Variants in CLIC5 observed in about 807,000 individuals in gnomAD.
CLIC5 encodes chloride intracellular channel protein 5.
Under a neutral mutation model 24.7 loss-of-function variants are expected in CLIC5, and 20 were observed. The observed-to-expected ratio is 0.81, with a 90% CI of 0.57 to 1.18. CLIC5 has a LOEUF of 1.18. Ranked by LOEUF, CLIC5 falls within the 50% of genes most tolerant of loss-of-function variation. The pLI, the probability that CLIC5 is intolerant of heterozygous loss-of-function variation, is 0.00. For missense variants in CLIC5, 341 were observed against 326.1 expected (o/e 1.05, Z -0.35); for synonymous variants, 159 against 135.6 (o/e 1.17, Z -1.20).
In CLIC5 at chr6:45,981,389, G is replaced by T. The variant is rs923774244; in HGVS notation, c.64-26145C>A. 2.0e-5 allele frequency among the ~76,000 whole-genome samples: 3 copies of T among 151,974 alleles called. No individual in the cohort carries two copies. In the South Asian group the frequency reaches 6.2e-4, roughly 32 times the overall value. On this transcript the variant is annotated intron_variant, in intron 1 of 5. Coordinates refer to ENST00000339561, the MANE Select transcript of CLIC5 (RefSeq NM_016929.5). ...TTTTTACAAACTAAATAAGGAGCCA[G>T]AAGTAAGTGATATGTAAGTTCCAAG...
At chr6:46,011,021 G>A (rs1229241466) in intron 1 of CLIC5, among the ~76,000 whole-genome samples, 1 of 152,158 alleles carries the variant, frequency 6.6e-6, no homozygotes, top group Non-Finnish European at 1.5e-5. Flanking sequence ...ACCACACCAC[G>A]AGTCACCACA....
chr6:45,907,821 CTG>C (rs1360359473), intron 5 of CLIC5, among the ~76,000 whole-genome samples: 1 of 152,100 alleles, frequency 6.6e-6, no homozygotes, highest in Non-Finnish European at 1.5e-5. Context: ...TTGGTGAAGT[CTG>C]TAGGGTTTTC....
In CLIC5 at chr6:46,057,612, T is replaced by G. The variant is rs115034659; in HGVS notation, c.540+22091A>C. ...CTCCCCATTACCTACAAGGTAAATTTCAGACTCCTTAATTTGGCACACAAA... is the reference window on the plus strand; with the variant it reads ...CTCCCCATTACCTACAAGGTAAATTGCAGACTCCTTAATTTGGCACACAAA... On this transcript the variant is annotated intron_variant, in intron 1 of 5. Transcript: ENST00000185206. Among the ~76,000 whole-genome samples, 502 of 152,306 alleles carry G rather than the reference T, an allele frequency of 3.3e-3. 3 individuals are homozygous for G. The highest frequency in any genetic ancestry group is 0.011 in the African/African-American group (473 of 41,566).
At chr6:46,093,698 T>C in the CLIC5 span, among the ~76,000 whole-genome samples, 1 of 152,346 alleles carries the variant, frequency 6.6e-6, no homozygotes, top group Non-Finnish European at 1.5e-5. Context: ...ATATGACTAC[T>C]TGGGGAAAAG....
At chr6:45,913,516 C>T (rs1366166776) in intron 5 of CLIC5, among the ~76,000 whole-genome samples, 2 of 152,174 alleles carry the variant, frequency 1.3e-5, no homozygotes, top group African/African-American at 2.4e-5. Flanking sequence ...GAGGGCTCCT[C>T]GTTCTCAGAG....
At chr6:46,053,954 A>G (rs1439120337) in intron 1 of CLIC5, among the ~76,000 whole-genome samples, 2 of 152,150 alleles carry the variant, frequency 1.3e-5, no homozygotes, top group Non-Finnish European at 2.9e-5. Flanking sequence ...TCAGCAAGAA[A>G]CTGTCCAAAG....
chr6:46,023,436 C>A lies in CLIC5; in HGVS notation c.540+56267G>T, dbSNP rs74890803. Among the ~76,000 whole-genome samples, 196 of 152,134 alleles carry A rather than the reference C, an allele frequency of 1.3e-3. 6 individuals are homozygous for A. The East Asian group carries it at 0.037, about 28-fold the overall frequency. Reference sequence around the variant, plus strand: ...CTGGAACTCCCTCCATTGCTAAAGCCCAGGATGTGGTTGGAGGAGGTTGGG... The same window carrying A: ...CTGGAACTCCCTCCATTGCTAAAGCACAGGATGTGGTTGGAGGAGGTTGGG... On this transcript the variant is annotated intron_variant, in intron 1 of 5. Coordinates refer to the CLIC5 transcript ENST00000185206.
chr6:46,049,945 G>A (rs979544581), intron 1 of CLIC5, among the ~76,000 whole-genome samples: 1 of 152,196 alleles, frequency 6.6e-6, no homozygotes, highest in Non-Finnish European at 1.5e-5. Context: ...AGGAGAATTA[G>A]GGACTGTTTC....
the CLIC5 span, among the ~76,000 whole-genome samples, chr6:46,092,778 A>T: frequency 6.6e-6 from 1 of 152,168 alleles, no homozygotes; most frequent in African/African-American, 2.4e-5. Flanking sequence ...GATAAGGAAA[A>T]TCTACTCTGT....
upstream of CLIC5, among the ~76,000 whole-genome samples, chr6:46,017,334 A>G (rs1767047489): frequency 6.6e-6 from 1 of 152,212 alleles, no homozygotes; most frequent in Non-Finnish European, 1.5e-5. Flanking sequence ...AATAAGTAAT[A>G]ATACTTATTA....
In CLIC5 at chr6:46,057,799, A is replaced by G. The variant is rs1581907269; in HGVS notation, c.540+21904T>C. ...CTACACAATTAGTGGTGTTTAGAGC[A>G]GTTTGTCCCAGTTCATGACAGCCAG... On this transcript the variant is annotated intron_variant, in intron 1 of 5. Coordinates refer to the CLIC5 transcript ENST00000185206. Among the ~76,000 whole-genome samples, 3 of 152,332 alleles carry G rather than the reference A, an allele frequency of 2.0e-5. No individual in the cohort carries two copies. In the East Asian group the frequency reaches 5.8e-4, roughly 29 times the overall value.
At chr6:45,926,186 C>T (rs955245262) in intron 4 of CLIC5, among the ~76,000 whole-genome samples, 59 of 150,994 alleles carry the variant, frequency 3.9e-4, no homozygotes, top group African/African-American at 1.3e-3. Context: ...TATATACACA[C>T]ACACACATAC....
At chr6:45,997,269 C>T (rs1766180197) in intron 1 of CLIC5, among the ~76,000 whole-genome samples, 1 of 149,056 alleles carries the variant, frequency 6.7e-6, no homozygotes, top group African/African-American at 2.5e-5. Flanking sequence ...AAACCAAACA[C>T]CGCATATTCT....
chr6:46,052,638 T>G (rs1351063674), intron 1 of CLIC5, among the ~76,000 whole-genome samples: 1 of 152,156 alleles, frequency 6.6e-6, no homozygotes, highest in Admixed American at 6.5e-5. Flanking sequence ...AGGTATGATA[T>G]GGGACTCCAT....
At chr6:46,043,028 A>G (rs1042680193) in intron 1 of CLIC5, among the ~76,000 whole-genome samples, 3 of 152,152 alleles carry the variant, frequency 2.0e-5, no homozygotes, top group African/African-American at 4.8e-5. Flanking sequence ...AAACAGAGAT[A>G]TATTTCAGAA....
intron 1 of CLIC5, among the ~76,000 whole-genome samples, chr6:45,978,503 A>G (rs547493953): frequency 6.6e-6 from 1 of 152,360 alleles, no homozygotes; most frequent in East Asian, 1.9e-4. Context: ...TGGTTCTCCA[A>G]TGTTAGCATG....
At chr6:46,104,351 T>G in the CLIC5 span, among the ~76,000 whole-genome samples, 1 of 152,238 alleles carries the variant, frequency 6.6e-6, no homozygotes, top group Non-Finnish European at 1.5e-5. Flanking sequence ...TCATGACAGG[T>G]GACCATTCTA....
chr6:46,005,548 A>T (rs1473481933), intron 1 of CLIC5, among the ~76,000 whole-genome samples: 1 of 152,200 alleles, frequency 6.6e-6, no homozygotes, highest in Non-Finnish European at 1.5e-5. Flanking sequence ...GCAGTCTTCC[A>T]CTTTATAAAC....
intron 1 of CLIC5, among the ~76,000 whole-genome samples, chr6:45,999,347 C>G (rs527292178): frequency 6.6e-6 from 1 of 152,150 alleles, no homozygotes; most frequent in African/African-American, 2.4e-5. Flanking sequence ...TGGATTTACA[C>G]AGGAATATCA....
Sources: allele counts gnomAD v4.1 joint callset (sites outside exome capture counted in the v4.1 genomes callset), GRCh38; gene constraint gnomAD v4.1.1; transcripts MANE v1.5; gene names NCBI Gene and HGNC (gene_info 2026-07-23, HGNC 2026-07-21).